The following CCSER1 variants were observed in gnomAD, a reference collection of about 807,000 sequenced individuals.
CCSER1 encodes coiled-coil serine rich protein 1.
A neutral mutation model predicts 82.0 loss-of-function variants in CCSER1; 41 were observed. The observed-to-expected ratio is 0.50, with a 90% CI of 0.39 to 0.65. CCSER1 has a LOEUF of 0.65. Among genes scored for constraint, CCSER1 ranks in the 30% least tolerant of loss-of-function variants. The probability of loss-of-function intolerance (pLI) is 0.00; values close to 1 mark genes in which losing one functional copy is unlikely to be tolerated. For synonymous variants in CCSER1, 414 were observed against 383.9 expected (o/e 1.08, Z -0.92); for missense variants, 1,119 against 1,064.2 (o/e 1.05, Z -0.72).
At chr4:90,445,971 T>C (rs1435424470) in intron 4 of CCSER1, among the ~76,000 whole-genome samples, 1 of 152,180 alleles carries the variant, frequency 6.6e-6, no homozygotes, top group African/African-American at 2.4e-5. Flanking sequence ...CAGGATGAAA[T>C]ACCAACAACT....
intron 9 of CCSER1, among the ~76,000 whole-genome samples, chr4:91,018,975 C>G (rs2150521442): frequency 6.6e-6 from 1 of 152,112 alleles, no homozygotes; most frequent in South Asian, 2.1e-4. Flanking sequence ...TTCTATACTG[C>G]TCTGTATGAG....
chr4:90,602,618 A>G (rs1283977923), intron 5 of CCSER1, among the ~76,000 whole-genome samples: 1 of 152,190 alleles, frequency 6.6e-6, no homozygotes, highest in Admixed American at 6.6e-5. Context: ...CCACATTTTC[A>G]TGGATTTGAC....
intron 10 of CCSER1, among the ~76,000 whole-genome samples, chr4:91,476,253 A>T (rs2085851320): frequency 6.6e-6 from 1 of 151,806 alleles, no homozygotes. Context: ...TTACATTCCC[A>T]CCAACAGTAT....
intron 9 of CCSER1, among the ~76,000 whole-genome samples, chr4:91,020,396 C>G (rs1188012804): frequency 6.6e-6 from 1 of 152,198 alleles, no homozygotes; most frequent in East Asian, 1.9e-4. Context: ...GGTGCGGTGG[C>G]TCACACCTGT....
chr4:91,042,253 A>T (rs1742023495), intron 9 of CCSER1, among the ~76,000 whole-genome samples: 1 of 152,030 alleles, frequency 6.6e-6, no homozygotes, highest in Non-Finnish European at 1.5e-5. Flanking sequence ...TTGGCTTTAT[A>T]AGTGTTTGGT....
chr4:90,754,738 C>T (rs556045010), intron 7 of CCSER1, among the ~76,000 whole-genome samples: 12 of 152,248 alleles, frequency 7.9e-5, no homozygotes, highest in South Asian at 2.1e-4. Context: ...ATTTTTAGTA[C>T]TTTGTTTTAG....
chr4:90,447,756 C>T (rs901583001), intron 4 of CCSER1, among the ~76,000 whole-genome samples: 2 of 151,940 alleles, frequency 1.3e-5, no homozygotes, highest in Non-Finnish European at 2.9e-5. Flanking sequence ...GGTGAAACAA[C>T]GTTAATGGAT....
intron 10 of CCSER1, among the ~76,000 whole-genome samples, chr4:91,550,581 A>C (rs1372057305): frequency 6.6e-6 from 1 of 152,178 alleles, no homozygotes; most frequent in East Asian, 1.9e-4. Flanking sequence ...TGGAGTGGCT[A>C]TTTCTGGTTC....
intron 10 of CCSER1, among the ~76,000 whole-genome samples, chr4:91,105,679 G>A (rs1581566037): frequency 6.6e-6 from 1 of 152,114 alleles, no homozygotes; most frequent in Admixed American, 6.6e-5. Flanking sequence ...ACTCCAGCCT[G>A]GGTGACAGAG....
At chr4:91,040,264 T>G (rs1741846991) in intron 9 of CCSER1, among the ~76,000 whole-genome samples, 2 of 152,214 alleles carry the variant, frequency 1.3e-5, no homozygotes, top group Admixed American at 6.5e-5. Context: ...ATATTTTGGT[T>G]GTTCATTTAT....
chr4:91,554,648 C>T (rs575623749), intron 10 of CCSER1, among the ~76,000 whole-genome samples: 1 of 151,182 alleles, frequency 6.6e-6, no homozygotes, highest in Non-Finnish European at 1.5e-5. Context: ...AGATTCAATG[C>T]AGTCTCTATA....
rs183244114 is a variant in CCSER1 at position 91,368,638 on chromosome 4, T to C, written c.2218-229934T>C. On this transcript the variant is annotated intron_variant, in intron 10 of 10. Transcript: ENST00000509176. ...TTATTTTAGCTCCTCTGTTGTCTCC[T>C]GGATTCATAATTGCCATACAATTTT... 1.6e-4 allele frequency among the ~76,000 whole-genome samples: 25 copies of C among 152,300 alleles called. No homozygotes were observed. The East Asian group carries it at 4.8e-3, about 29-fold the overall frequency.
At chr4:90,271,264 C>G (rs995341058) in intron 1 of CCSER1, among the ~76,000 whole-genome samples, 1 of 152,102 alleles carries the variant, frequency 6.6e-6, no homozygotes, top group Admixed American at 6.6e-5. Flanking sequence ...GTAAACAAAA[C>G]TGCATGGCAC....
At chr4:91,367,047 A>T (rs1311716250) in intron 10 of CCSER1, among the ~76,000 whole-genome samples, 1 of 143,808 alleles carries the variant, frequency 7.0e-6, no homozygotes, top group Non-Finnish European at 1.5e-5. Flanking sequence ...TAATCCTAGC[A>T]TTTTGGGAGG....
At chr4:91,357,887 C>CTT (rs77874106) in intron 10 of CCSER1, among the ~76,000 whole-genome samples, 9 of 55,154 alleles carry the variant, frequency 1.6e-4, no homozygotes, top group African/African-American at 4.8e-4. Context: ...CCCCCCCCCC[C>CTT]TTTTTTTTTT....
chr4:91,174,486 G>T (rs1274588210), intron 10 of CCSER1, among the ~76,000 whole-genome samples: 1 of 152,102 alleles, frequency 6.6e-6, no homozygotes, highest in East Asian at 1.9e-4. Context: ...GGAAGCATGT[G>T]CAGGACATGC....
chr4:90,411,159 G>A (rs1014592270), intron 4 of CCSER1, among the ~76,000 whole-genome samples: 1 of 152,110 alleles, frequency 6.6e-6, no homozygotes, highest in African/African-American at 2.4e-5. Context: ...AAAAGTCCAG[G>A]ACCAGATGGA....
chr4:90,152,137 G>A (rs1369959269), intron 1 of CCSER1, among the ~76,000 whole-genome samples: 2 of 152,108 alleles, frequency 1.3e-5, no homozygotes, highest in African/African-American at 2.4e-5. Context: ...GTCACTAAAA[G>A]GGTGAGCACA....
At chr4:90,246,656 G>T (rs887970421) in intron 1 of CCSER1, among the ~76,000 whole-genome samples, 14 of 152,018 alleles carry the variant, frequency 9.2e-5, no homozygotes, top group African/African-American at 3.4e-4. Flanking sequence ...TGCAATCCCT[G>T]CTTTCATAAA....
Sources: gnomAD v4.1 joint callset for allele counts (sites outside exome capture counted in the v4.1 genomes callset) on GRCh38, gnomAD v4.1.1 for gene constraint, MANE v1.5 for transcripts, NCBI Gene and HGNC (gene_info 2026-07-23, HGNC 2026-07-21) for gene names.